TSPYL2: variants seen among roughly 807,000 people sequenced by gnomAD.
TSPYL2 encodes the protein TSPY like 2.
Under a neutral mutation model 33.0 loss-of-function variants are expected in TSPYL2, and 9 were observed. The ratio of observed to expected loss-of-function variants is 0.27; its 90% CI spans 0.16 to 0.48. The LOEUF (loss-of-function observed/expected upper bound fraction) is 0.48. TSPYL2 is among the 20% of genes least tolerant of loss of function. The probability of loss-of-function intolerance (pLI) is 0.99; values close to 1 mark genes in which losing one functional copy is unlikely to be tolerated. For missense variants in TSPYL2, 636 were observed against 586.2 expected (o/e 1.08, Z -0.88); for synonymous variants, 330 against 233.6 (o/e 1.41, Z -3.77).
At position 53,087,894 on chromosome X, in the gene TSPYL2, C is replaced by T; in HGVS notation, c.2037C>T (p.Val679=). 8.3e-7 allele frequency: 1 copy of T among 1,211,640 alleles called. No homozygotes were observed. Among genetic ancestry groups the T allele is most frequent in the Non-Finnish European group, 1.1e-6 (1 of 895,441 alleles). Residue 679 remains valine (V), a synonymous_variant, in exon 7 of 7, where the codon GTC becomes GTT. Transcript: ENST00000375442. ...DDSDLEDVLQ[V]PNGWANPGKR... is the part of the protein sequence containing the mutation. The stretch of plus-strand genomic sequence containing the variant: ...CTGACCTAGAGGATGTGCTTCAGGT[C>T]CCAAACGGTTGGGCCAATCCGGGGA...
At chrX:53,083,626 C>T (rs1932682745) in intron 1 of TSPYL2, among the ~76,000 whole-genome samples, 1 of 107,533 alleles carries the variant, frequency 9.3e-6, no homozygotes, top group African/African-American at 3.4e-5. Flanking sequence ...AGTAAAGGGG[C>T]ACACAGCAAA....
At chrX:53,085,566 C>A in intron 5 of TSPYL2, 65 bp from the exon 6 acceptor site, 1 of 1,106,138 alleles carries the variant, frequency 9.0e-7, no homozygotes, top group Non-Finnish European at 1.2e-6. Context: ...TTACTTCCCA[C>A]CTTTGAGTGC....
chrX:53,085,122 C>T lies in TSPYL2; in HGVS notation c.1143+23C>T, dbSNP rs374984098. ...GAGGTGGGGCCCTTCCTGGCATCAC[C>T]AGAGAAGGCCTTGCTAGGCTTGTTC... On this transcript the variant is annotated intron_variant, in intron 4 of 6. Transcript: ENST00000375442. The T allele has an allele frequency of 5.0e-6, 6 of 1,196,960 alleles. No homozygotes were observed. The African/African-American group carries it at 1.1e-4, about 21-fold the overall frequency.
rs782640245 is a variant in TSPYL2 at position 53,086,328 on chromosome X, C to T, written c.1918+18C>T. On this transcript the variant is annotated intron_variant, in intron 6 of 6. Transcript: ENST00000375442. ...TGAGGAAGGTGAGCTAATCCCCCCC[C>T]ACCCTTGTCTTCCCTCTTTTCTTTT... is the stretch of plus-strand genomic sequence containing the variant. 2.6e-6 allele frequency: 3 copies of T among 1,156,317 alleles called. No individual in the cohort carries two copies. Among genetic ancestry groups the T allele is most frequent in the East Asian group, 3.1e-5 (1 of 32,232 alleles).
intron 6 of TSPYL2, 105 bp from the exon 7 acceptor site, chrX:53,087,671 C>G: frequency 1.1e-6 from 1 of 899,565 alleles, no homozygotes; most frequent in East Asian, 3.4e-5. Flanking sequence ...TGTCCCAGGC[C>G]GCTAAAAACC....
Position 53,086,136 on chromosome X carries a change from G to A in TSPYL2, c.1744G>A (p.Glu582Lys). Reference protein sequence around the residue: ...EDNDGNEGDNEGSDDDGNEGD... With the variant: ...EDNDGNEGDNKGSDDDGNEGD... ...TAATGATGGCAACGAAGGTGACAAT[G>A]AGGGCAGTGATGATGATGGCAATGA... The change falls in exon 6 of 7, where the codon GAG becomes AAG. Residue 582 changes from glutamate (E) to lysine (K), a missense_variant. Glu to Lys is a moderately conservative substitution (Grantham distance 56). Coordinates refer to ENST00000375442, the MANE Select transcript of TSPYL2 (RefSeq NM_022117.4). 3 of 1,195,640 alleles carry A rather than the reference G, an allele frequency of 2.5e-6. No homozygotes were observed. The highest frequency in any genetic ancestry group is 3.4e-6 in the Non-Finnish European group (3 of 887,127).
At chrX:53,085,158 G>A in intron 4 of TSPYL2, 59 bp downstream of exon 4, 1 of 1,186,472 alleles carries the variant, frequency 8.4e-7, no homozygotes, top group Non-Finnish European at 1.1e-6. Flanking sequence ...CTGGGTGCGT[G>A]GGGAATTAAG....
chrX:53,084,026 C>T (rs1218953837), intron 1 of TSPYL2, among the ~76,000 whole-genome samples: 1 of 111,953 alleles, frequency 8.9e-6, no homozygotes, highest in East Asian at 2.8e-4. Flanking sequence ...TGAAACAGCA[C>T]ATGGTAAGAG....
chrX:53,083,604 AAGGGGG>A (rs1298954424), intron 1 of TSPYL2, among the ~76,000 whole-genome samples: 2 of 108,062 alleles, frequency 1.9e-5, no homozygotes, highest in African/African-American at 6.8e-5. Context: ...AGATGATAAA[AAGGGGG>A]AGGGTAGTAA....
chrX:53,086,547 T>A, intron 6 of TSPYL2: 1 of 426,517 alleles, frequency 2.3e-6, no homozygotes, highest in East Asian at 4.0e-5. Flanking sequence ...CAGCAGAAGA[T>A]GAAGAGTACA....
chrX:53,087,874 C>T lies in TSPYL2; in HGVS notation c.2017C>T (p.Leu673=), dbSNP rs1456162173. 6.6e-6 allele frequency: 8 copies of T among 1,210,274 alleles called. No homozygotes were observed. The highest frequency in any genetic ancestry group is 1.8e-5 in the South Asian group (1 of 56,889). ...AGGGGAAGATTCGGACGACTCTGAC[C>T]TAGAGGATGTGCTTCAGGTCCCAAA... The part of the protein sequence containing the change: ...EEGEDSDDSD[L]EDVLQVPNGW... The change falls in exon 7 of 7, where the codon CTA becomes TTA. Residue 673 remains leucine (L), a synonymous_variant. Transcript: ENST00000375442.
At chrX:53,084,700 G>A (rs782561944) in intron 2 of TSPYL2, 55 bp from the exon 3 acceptor site, 5 of 1,185,006 alleles carry the variant, frequency 4.2e-6, no homozygotes, top group African/African-American at 1.8e-5. Context: ...GGGTGGGAAG[G>A]GCCGTGGTGT....
intron 1 of TSPYL2, among the ~76,000 whole-genome samples, chrX:53,083,811 C>T: frequency 9.0e-6 from 1 of 110,824 alleles, no homozygotes; most frequent in South Asian, 3.8e-4. Context: ...ACTAGGAGAC[C>T]CCAATCCTGG....
chrX:53,087,711 T>A (rs1204823975), intron 6 of TSPYL2, 65 bp from the exon 7 acceptor site: 9 of 1,112,652 alleles, frequency 8.1e-6, no homozygotes, highest in Non-Finnish European at 1.1e-5. Context: ...CCTTTTAGAG[T>A]GACACCTATC....
Position 53,085,338 on chromosome X carries a change from C to T in TSPYL2, c.1238+17C>T, listed in dbSNP as rs1556808196. ...GAAGAAACGGTAATGGGAGTTTGGTCGCTGAGAGGTGGTTTGTTGGGGATG... is the reference window on the plus strand; with the variant it reads ...GAAGAAACGGTAATGGGAGTTTGGTTGCTGAGAGGTGGTTTGTTGGGGATG... On this transcript the variant is annotated intron_variant, in intron 5 of 6. Transcript: ENST00000375442. 6.0e-6 allele frequency: 7 copies of T among 1,164,598 alleles called. No homozygotes were observed. Among genetic ancestry groups the T allele is most frequent in the African/African-American group, 1.8e-5 (1 of 55,837 alleles).
Position 53,088,237 on chromosome X carries a change from T to C in TSPYL2, c.*298T>C. ...CCCTCTACCCACTTCTCCCAGTCAGTTGTGGCCCCAGCCCCTCTCCCTGTG... is the reference window on the plus strand; with the variant it reads ...CCCTCTACCCACTTCTCCCAGTCAGCTGTGGCCCCAGCCCCTCTCCCTGTG... On this transcript the variant is annotated 3_prime_UTR_variant, in exon 7 of 7. Coordinates refer to ENST00000375442, the MANE Select transcript of TSPYL2 (RefSeq NM_022117.4). 2 of 288,386 alleles carry C rather than the reference T, an allele frequency of 6.9e-6. No homozygotes were observed. Among genetic ancestry groups the C allele is most frequent in the South Asian group, 1.5e-4 (2 of 13,328 alleles). 23.8% of individuals were successfully genotyped at this position (288,386 alleles called of 1,213,427 possible).
chrX:53,083,463 G>A (rs1288517246), intron 1 of TSPYL2, among the ~76,000 whole-genome samples, 158 bp downstream of exon 1: 5 of 108,891 alleles, frequency 4.6e-5, no homozygotes, highest in Non-Finnish European at 7.6e-5. Flanking sequence ...AGGGATGGAA[G>A]GAGGAGGGCA....
chrX:53,087,549 G>C (rs1278577277), intron 6 of TSPYL2: 13 of 408,747 alleles, frequency 3.2e-5, no homozygotes, highest in Non-Finnish European at 5.1e-5. Context: ...CAGAGGCAGG[G>C]ATCCCACACT....
In TSPYL2 at chrX:53,085,315, A is replaced by G. The variant is rs1340777042; in HGVS notation, c.1232A>G (p.Lys411Arg). 17 of 1,203,883 alleles carry G rather than the reference A, an allele frequency of 1.4e-5. No homozygotes were observed. Among genetic ancestry groups the G allele is most frequent in the Non-Finnish European group, 1.8e-5 (16 of 890,723 alleles). Residue 411 changes from lysine to arginine, a missense_variant, in exon 5 of 7, where the codon AAG becomes AGG. Lys to Arg is a conservative substitution (Grantham distance 26). Transcript: ENST00000375442. ...SRIKRKKQEM[K>R]KRKTRGRCEV... ...ATAAAGAGAAAGAAGCAAGAAATGA[A>G]GAAACGGTAATGGGAGTTTGGTCGC...
Sources: gnomAD v4.1 joint callset for allele counts (sites outside exome capture counted in the v4.1 genomes callset) on GRCh38, gnomAD v4.1.1 for gene constraint, MANE v1.5 for transcripts, NCBI Gene and HGNC (gene_info 2026-07-23, HGNC 2026-07-21) for gene names.